The following ATP10B variants were observed in gnomAD, a reference collection of about 807,000 sequenced individuals.
ATP10B encodes the protein ATPase phospholipid transporting 10B (putative), also known as phospholipid-transporting ATPase VB.
A neutral mutation model predicts 141.2 loss-of-function variants in ATP10B; 122 were observed. The ratio of observed to expected loss-of-function variants is 0.86; its 90% CI spans 0.75 to 1.00. The LOEUF is 1.00. ATP10B is among the 50% of genes least tolerant of loss of function. The probability of loss-of-function intolerance (pLI) is 0.00; values close to 1 mark genes in which losing one functional copy is unlikely to be tolerated. For synonymous variants in ATP10B, 685 were observed against 692.0 expected (o/e 0.99, Z 0.16); for missense variants, 1,876 against 1,825.3 (o/e 1.03, Z -0.51).
intron 6 of ATP10B, chr5:160,685,223 C>A: frequency 1.7e-6 from 1 of 592,292 alleles, no homozygotes. Flanking sequence ...TTTTTCATCT[C>A]TGCTCAATGT....
chr5:160,747,826 T>C (rs1460113385), intron 2 of ATP10B, among the ~76,000 whole-genome samples: 1 of 152,172 alleles, frequency 6.6e-6, no homozygotes, highest in African/African-American at 2.4e-5. Flanking sequence ...TTTTTTGTTC[T>C]CATAGCTTGC....
chr5:160,741,371 G>A (rs1163246199), intron 2 of ATP10B, among the ~76,000 whole-genome samples: 1 of 152,236 alleles, frequency 6.6e-6, no homozygotes, highest in Non-Finnish European at 1.5e-5. Context: ...GATGGGATCA[G>A]TCTCTGTAGG....
intron 2 of ATP10B, among the ~76,000 whole-genome samples, chr5:160,772,340 T>C (rs1769965643): frequency 6.6e-6 from 1 of 152,188 alleles, no homozygotes; most frequent in African/African-American, 2.4e-5. Flanking sequence ...ATGTGCCAGG[T>C]TGACTTTTCT....
intron 2 of ATP10B, among the ~76,000 whole-genome samples, chr5:160,727,369 C>T (rs1426897884): frequency 6.6e-6 from 1 of 152,186 alleles, no homozygotes; most frequent in African/African-American, 2.4e-5. Context: ...ACAGGCCTGC[C>T]TGATTCCAAA....
In ATP10B at chr5:160,680,547, G is replaced by A. The variant is rs150396302; in HGVS notation, c.470+5532C>T. Among the ~76,000 whole-genome samples the A allele has an allele frequency of 3.1e-3, 479 of 152,320 alleles. 2 individuals carry two copies. The highest frequency in any genetic ancestry group is 0.011 in the African/African-American group (456 of 41,566). ...AAGATGTGTATATTCCTGCTAATAC[G>A]TGGAAAGCAATTTACAAAGAGTCAA... On this transcript the variant is annotated intron_variant, in intron 6 of 25. Coordinates refer to ENST00000327245, the MANE Select transcript of ATP10B (RefSeq NM_025153.3).
At chr5:160,732,796 A>C (rs1766836231) in intron 2 of ATP10B, among the ~76,000 whole-genome samples, 1 of 152,138 alleles carries the variant, frequency 6.6e-6, no homozygotes, top group Non-Finnish European at 1.5e-5. Flanking sequence ...CTGTGGTTTC[A>C]TAAGAATTTT....
At chr5:160,589,728 G>A (rs914859334) in intron 23 of ATP10B, 32 bp from the exon 24 acceptor site, 2 of 1,533,884 alleles carry the variant, frequency 1.3e-6, no homozygotes. Context: ...GCATTGTCAG[G>A]TATGTCTGTG....
the ATP10B span, among the ~76,000 whole-genome samples, chr5:160,905,888 A>C: frequency 6.6e-6 from 1 of 151,658 alleles, no homozygotes; most frequent in Non-Finnish European, 1.5e-5. Context: ...ACTGGCCTGA[A>C]AAAAAAAATG....
intron 22 of ATP10B, among the ~76,000 whole-genome samples, chr5:160,592,884 G>A (rs542504251): frequency 0.027 from 4,170 of 152,344 alleles, 86 homozygotes; most frequent in Middle Eastern, 0.068. Context: ...CATTGCCCAT[G>A]CTTGCTTAGG....
At chr5:160,809,333 T>A (rs1374350082) in intron 1 of ATP10B, among the ~76,000 whole-genome samples, 1 of 152,194 alleles carries the variant, frequency 6.6e-6, no homozygotes, top group Non-Finnish European at 1.5e-5. Flanking sequence ...TGGTTTTTGT[T>A]ATCATTTTAT....
At position 160,687,909 on chromosome 5, in the gene ATP10B, G is replaced by A. The variant is rs1044191232; in HGVS notation, c.166C>T (p.His56Tyr). 6.2e-7 allele frequency: 1 copy of A among 1,614,042 alleles called. No individual in the cohort carries two copies. The highest frequency in any genetic ancestry group is 1.3e-5 in the African/African-American group (1 of 74,914). The change falls in exon 5 of 26, where the codon CAT becomes TAT. Residue 56 changes from histidine to tyrosine, a missense_variant. His to Tyr is a moderately conservative substitution (Grantham distance 83). Transcript: ENST00000327245. The stretch of plus-strand genomic sequence containing the variant: ...CTGGAGACCTCTTCCCAATCTTGAT[G>A]GAATATGCTGTTGTTGGGGAACACG... ...RVVFPNNSIF[H>Y]QDWEEVSRRY...
intron 1 of ATP10B, among the ~76,000 whole-genome samples, chr5:160,841,936 G>A (rs901195669): frequency 1.3e-5 from 2 of 152,132 alleles, no homozygotes; most frequent in African/African-American, 2.4e-5. Context: ...TGTTGGCCAA[G>A]GAGGTCTTGA....
chr5:160,860,375 A>G, the ATP10B span, among the ~76,000 whole-genome samples: 1 of 151,980 alleles, frequency 6.6e-6, no homozygotes, highest in Non-Finnish European at 1.5e-5. Flanking sequence ...TGATAATTAC[A>G]GGACTGATTC....
the ATP10B span, among the ~76,000 whole-genome samples, chr5:160,879,271 T>G: frequency 1.7e-5 from 1 of 59,600 alleles, no homozygotes; most frequent in African/African-American, 6.2e-5. Flanking sequence ...TCATTCTCAG[T>G]AAACTATCGC....
intron 19 of ATP10B, among the ~76,000 whole-genome samples, chr5:160,604,581 AT>A (rs1245345713): frequency 1.3e-5 from 2 of 152,152 alleles, no homozygotes; most frequent in African/African-American, 4.8e-5. Context: ...AAGGAGAGGG[AT>A]GATATTGTTT....
At chr5:160,682,794 C>T (rs1447801512) in intron 6 of ATP10B, among the ~76,000 whole-genome samples, 1 of 152,110 alleles carries the variant, frequency 6.6e-6, no homozygotes, top group Non-Finnish European at 1.5e-5. Flanking sequence ...AATCCCAGCA[C>T]TTTGGGAGGC....
intron 6 of ATP10B, 98 bp from the exon 7 acceptor site, chr5:160,670,765 C>T: frequency 3.8e-6 from 4 of 1,057,516 alleles, no homozygotes; most frequent in Non-Finnish European, 5.6e-6. Flanking sequence ...TAACTATCCA[C>T]CAAGTCAGCC....
intron 7 of ATP10B, among the ~76,000 whole-genome samples, chr5:160,667,994 C>T (rs1762423540): frequency 1.3e-5 from 2 of 152,096 alleles, no homozygotes; most frequent in South Asian, 2.1e-4. Flanking sequence ...CTTTGGGAGG[C>T]CAAGGCAGGT....
chr5:160,596,949 G>T (rs1285107722), intron 22 of ATP10B, among the ~76,000 whole-genome samples: 1 of 152,072 alleles, frequency 6.6e-6, no homozygotes, highest in African/African-American at 2.4e-5. Context: ...AATCAATATT[G>T]TGAAAATGGC....
Sources: allele counts gnomAD v4.1 joint callset (sites outside exome capture counted in the v4.1 genomes callset), GRCh38; gene constraint gnomAD v4.1.1; transcripts MANE v1.5; gene names NCBI Gene and HGNC (gene_info 2026-07-23, HGNC 2026-07-21).